Variants in LAMTOR3 observed in about 807,000 individuals in gnomAD.
LAMTOR3 encodes the protein late endosomal/lysosomal adaptor, MAPK and MTOR activator 3.
A neutral mutation model predicts 20.3 loss-of-function variants in LAMTOR3; 14 were observed. The ratio of observed to expected loss-of-function variants is 0.69; its 90% CI spans 0.46 to 1.08. The LOEUF (loss-of-function observed/expected upper bound fraction) is 1.08. Among genes scored for constraint, LAMTOR3 ranks in the 50% least tolerant of loss-of-function variants. The pLI is 0.00. For missense variants in LAMTOR3, 125 were observed against 143.7 expected, an observed-to-expected ratio of 0.87 and a Z score of 0.67; for synonymous variants, 40 against 49.4, an observed-to-expected ratio of 0.81 and a Z score of 0.80.
intron 5 of LAMTOR3, 46 bp from the exon 6 acceptor site, chr4:99,884,171 G>C: frequency 1.4e-6 from 2 of 1,409,754 alleles, no homozygotes; most frequent in South Asian, 2.3e-5. Context: ...TTATGAAAAG[G>C]TAGTATAACT....
chr4:99,887,320 T>C lies in LAMTOR3; in HGVS notation c.79A>G (p.Arg27Gly). The C allele has an allele frequency of 6.4e-7, 1 of 1,562,066 alleles. No individual in the cohort carries two copies. The highest frequency in any genetic ancestry group is 8.7e-7 in the Non-Finnish European group (1 of 1,150,768). ...EGLHAIVVSD[R>G]DGVPVIKVAN... Reference sequence around the variant, plus strand: ...CCTTTAATAACAGGTACTCCATCTCTATCTGACACAACAATGGCATGGAGC... The same window carrying C: ...CCTTTAATAACAGGTACTCCATCTCCATCTGACACAACAATGGCATGGAGC... The change falls in exon 4 of 7, where the codon AGA (arginine) becomes GGA (glycine). Residue 27 changes from arginine (R) to glycine (G), a missense_variant. Arg to Gly is a moderately radical substitution (Grantham distance 125). This residue lies in a region of LAMTOR3 where 99 missense variants were observed against 96.0 expected (regional missense o/e 1.03). Transcript: ENST00000499666.
rs1226434126 is a variant in LAMTOR3 at position 99,893,983 on chromosome 4, C to G, written c.-20G>C. The stretch of plus-strand genomic sequence containing the variant: ...CGCCATGATGAACCCCCTTCTCTCG[C>G]AGGATCAATCTCCACGCCTGGAAGA... On this transcript the variant is annotated 5_prime_UTR_variant, in exon 2 of 7. Coordinates refer to ENST00000499666, the MANE Select transcript of LAMTOR3 (RefSeq NM_021970.4). 6.5e-7 allele frequency: 1 copy of G among 1,539,884 alleles called. No individual in the cohort carries two copies. The highest frequency in any genetic ancestry group is 8.8e-7 in the Non-Finnish European group (1 of 1,138,576).
intron 2 of LAMTOR3, 108 bp downstream of exon 2, chr4:99,893,847 G>A (rs1186124110): frequency 3.9e-6 from 3 of 771,858 alleles, no homozygotes; most frequent in African/African-American, 3.6e-5. Context: ...GGGTGGGGCT[G>A]GGAGGATCAA....
At chr4:99,893,559 ATTG>A (rs751085002) in intron 2 of LAMTOR3, among the ~76,000 whole-genome samples, 6 of 152,226 alleles carry the variant, frequency 3.9e-5, no homozygotes, top group African/African-American at 7.2e-5. Flanking sequence ...CAAATGAGAT[ATTG>A]TTATCACTTA....
intron 4 of LAMTOR3, among the ~76,000 whole-genome samples, chr4:99,885,896 AT>A (rs886627637): frequency 6.6e-6 from 1 of 152,194 alleles, no homozygotes; most frequent in African/African-American, 2.4e-5. Context: ...GACTCTCACA[AT>A]TTTTTTAAAT....
At chr4:99,894,201 C>G in intron 1 of LAMTOR3, 134 bp downstream of exon 1, 1 of 396,488 alleles carries the variant, frequency 2.5e-6, no homozygotes. Flanking sequence ...CTCAGCCCAC[C>G]CCATCCCTGC....
At chr4:99,885,933 A>C (rs770184901) in intron 4 of LAMTOR3, among the ~76,000 whole-genome samples, 1 of 152,216 alleles carries the variant, frequency 6.6e-6, no homozygotes, top group Non-Finnish European at 1.5e-5. Context: ...AAATGTTTAC[A>C]TTTTCTTGAT....
At position 99,893,987 on chromosome 4, in the gene LAMTOR3, A is replaced by C; in HGVS notation, c.-24T>G. 3 of 1,536,708 alleles carry C rather than the reference A, an allele frequency of 2.0e-6. No homozygotes were observed. The highest frequency in any genetic ancestry group is 2.5e-5 in the East Asian group (1 of 39,532). ...ATGATGAACCCCCTTCTCTCGCAGG[A>C]TCAATCTCCACGCCTGGAAGAGAAA... On this transcript the variant is annotated 5_prime_UTR_variant, in exon 2 of 7. Coordinates refer to ENST00000499666, the MANE Select transcript of LAMTOR3 (RefSeq NM_021970.4).
chr4:99,883,291 T>C (rs1724861646), intron 6 of LAMTOR3, among the ~76,000 whole-genome samples: 1 of 151,942 alleles, frequency 6.6e-6, no homozygotes, highest in South Asian at 2.1e-4. Flanking sequence ...TTCAGTGACA[T>C]AGCTAGAAGA....
rs75932136 is a variant in LAMTOR3 at position 99,888,023 on chromosome 4, G to A, written c.45-669C>T. 1.7e-3 allele frequency among the ~76,000 whole-genome samples: 260 copies of A among 152,286 alleles called. 2 individuals carry two copies. The highest frequency in any genetic ancestry group is 6.1e-3 in the African/African-American group (252 of 41,558). ...GAAAAGACGTGGAAAAACTGTTCCT[G>A]GCTGAAGAAACAGGGCAAAAGGAAT... On this transcript the variant is annotated intron_variant, in intron 3 of 6. Transcript: ENST00000499666.
intron 6 of LAMTOR3, among the ~76,000 whole-genome samples, chr4:99,882,720 T>G (rs1268158317): frequency 6.6e-6 from 1 of 151,966 alleles, no homozygotes; most frequent in Non-Finnish European, 1.5e-5. Context: ...GCTTCTATAT[T>G]GAACAAAGAA....
intron 3 of LAMTOR3, among the ~76,000 whole-genome samples, chr4:99,888,006 G>A (rs768710536): frequency 2.6e-5 from 4 of 152,296 alleles, no homozygotes; most frequent in Non-Finnish European, 4.4e-5. Context: ...GTGAAAAGAC[G>A]TGGAAAAACT....
intron 5 of LAMTOR3, among the ~76,000 whole-genome samples, chr4:99,884,503 C>A (rs778686784): frequency 3.9e-5 from 6 of 151,914 alleles, no homozygotes; most frequent in Non-Finnish European, 8.8e-5. Context: ...ATGATATTTT[C>A]TGGTTCTTGT....
At chr4:99,890,934 C>G (rs1725011031) in intron 3 of LAMTOR3, among the ~76,000 whole-genome samples, 1 of 152,140 alleles carries the variant, frequency 6.6e-6, no homozygotes, top group Non-Finnish European at 1.5e-5. Context: ...ATTTTGAGAG[C>G]ACACTTAATA....
At chr4:99,887,420 T>C in intron 3 of LAMTOR3, 66 bp from the exon 4 acceptor site, 3 of 734,066 alleles carry the variant, frequency 4.1e-6, no homozygotes, top group South Asian at 6.1e-5. Context: ...AGTTAAAATA[T>C]AAAATATTTC....
chr4:99,885,661 C>A lies in LAMTOR3; in HGVS notation c.118G>T (p.Ala40Ser), dbSNP rs772114549. The A allele has an allele frequency of 6.2e-7, 1 of 1,612,474 alleles. No individual in the cohort carries two copies. ...CCAGGTCGCAAAGCATGCTCTGGAG[C>A]ATTGTCATTTGCCACTAGAAAAATA... Reference protein sequence around the residue: ...VPVIKVANDNAPEHALRPGFL... With the variant: ...VPVIKVANDNSPEHALRPGFL... The change falls in exon 5 of 7, where the codon GCT (alanine) becomes TCT (serine). Residue 40 changes from alanine (A) to serine (S), a missense_variant. Coordinates refer to ENST00000499666, the MANE Select transcript of LAMTOR3 (RefSeq NM_021970.4).
At chr4:99,894,040 T>G in intron 1 of LAMTOR3, 40 bp from the exon 2 acceptor site, 1 of 1,281,840 alleles carries the variant, frequency 7.8e-7, no homozygotes, top group East Asian at 2.7e-5. Context: ...CTCTTTGGCT[T>G]CCTCGTCCTC....
Position 99,881,877 on chromosome 4 carries a change from GA to G in LAMTOR3, c.*116del. 1 of 711,330 alleles carries G rather than the reference GA, an allele frequency of 1.4e-6. No individual in the cohort carries two copies. 44.1% of individuals were successfully genotyped at this position (711,330 alleles called of 1,614,324 possible). ...TATGCTAGCTCTTTAGTATAAGTTG[GA>G]AAAAGGGGCCCTTTCTTGAGCACAT... On this transcript the variant is annotated 3_prime_UTR_variant, in exon 7 of 7. Transcript: ENST00000499666.
chr4:99,884,120 A>G lies in LAMTOR3; in HGVS notation c.243T>C (p.Val81=). 6.2e-7 allele frequency: 1 copy of G among 1,611,420 alleles called. No individual in the cohort carries two copies. Among genetic ancestry groups the G allele is most frequent in the Non-Finnish European group, 8.5e-7 (1 of 1,178,110 alleles). The change falls in exon 6 of 7, where the codon GTT becomes GTC. Residue 81 remains valine, a synonymous_variant. Transcript: ENST00000499666. The part of the protein sequence containing the change: ...IICYYNTYQV[V]QFNRLPLVVS... ...CCACCAAAGGTAAACGATTAAATTG[A>G]ACCACCTAAAAAGAAAATAAGAGCC...
Sources: allele counts gnomAD v4.1 joint callset (sites outside exome capture counted in the v4.1 genomes callset), GRCh38; gene constraint gnomAD v4.1.1; regional missense constraint gnomAD v4.1.1; transcripts MANE v1.5; gene names NCBI Gene and HGNC (gene_info 2026-07-23, HGNC 2026-07-21).